Variants in VWF observed in about 807,000 individuals in gnomAD.
VWF encodes Factor VIII related antigen.
In VWF, 176 loss-of-function variants were observed where a neutral mutation model predicts 308.6. The ratio of observed to expected loss-of-function variants is 0.57; its 90% CI spans 0.50 to 0.65. The LOEUF is 0.65. VWF is among the 30% of genes least tolerant of loss of function. VWF has a pLI of 0.00. For synonymous variants in VWF, 1,385 were observed against 1,443.4 expected, an observed-to-expected ratio of 0.96 and a Z score of 0.92; for missense variants, 3,146 against 3,648.2, an observed-to-expected ratio of 0.86 and a Z score of 3.55.
In VWF at chr12:5,969,304, T is replaced by A. The variant is rs61751298; in HGVS notation, c.7636A>T (p.Asn2546Tyr). Residue 2546 changes from asparagine to tyrosine, a missense_variant, in exon 45 of 52, where the codon AAC becomes TAC. By Grantham distance (143) the Asn-to-Tyr change is moderately radical (BLOSUM62 -2). Transcript: ENST00000261405. ...VKEEVFIQQR[N>Y]VSCPQLEVPV... ...ACCTCCAGCTGGGGGCAGGAGACGT[T>A]CCTTTGTTGTATAAAGACCTCCTCC... 3.7e-6 allele frequency: 6 copies of A among 1,614,024 alleles called. No homozygotes were observed. Among genetic ancestry groups the A allele is most frequent in the Non-Finnish European group, 5.1e-6 (6 of 1,180,034 alleles).
intron 18 of VWF, 86 bp downstream of exon 18, chr12:6,044,205 C>T (rs761777470): frequency 8.4e-6 from 13 of 1,542,596 alleles, no homozygotes; most frequent in Non-Finnish European, 1.1e-5. Flanking sequence ...TTGTTTCTTC[C>T]TCTCTCTGGC....
At chr12:6,051,315 A>G (rs7305522) in intron 16 of VWF, among the ~76,000 whole-genome samples, 12,350 of 132,810 alleles carry the variant, frequency 0.093, 1,092 homozygotes, top group African/African-American at 0.24. Context: ...TTTTTGAGAT[A>G]GAGTCTCGCT....
At chr12:6,078,218 C>G (rs1944867428) in intron 6 of VWF, among the ~76,000 whole-genome samples, 1 of 152,210 alleles carries the variant, frequency 6.6e-6, no homozygotes, top group African/African-American at 2.4e-5. Context: ...CGAGCATTAT[C>G]ACTTCCTAGT....
intron 34 of VWF, among the ~76,000 whole-genome samples, chr12:6,009,569 T>C (rs1252596097): frequency 6.6e-6 from 1 of 151,932 alleles, no homozygotes; most frequent in Admixed American, 6.6e-5. Flanking sequence ...AGTAAGAAGG[T>C]TCCTCAAAAA....
At chr12:6,109,024 T>A (rs1365417451) in intron 5 of VWF, among the ~76,000 whole-genome samples, 1 of 151,420 alleles carries the variant, frequency 6.6e-6, no homozygotes, top group Non-Finnish European at 1.5e-5. Flanking sequence ...TTTGTAAATG[T>A]ATATAGGTTC....
At chr12:5,968,358 C>T (rs1218797726) in intron 45 of VWF, 191 bp from the exon 46 acceptor site, 1 of 614,184 alleles carries the variant, frequency 1.6e-6, no homozygotes, top group Non-Finnish European at 2.8e-6. Context: ...CTCCCTTCCC[C>T]ATGCAGCCCA....
intron 34 of VWF, 77 bp from the exon 35 acceptor site, chr12:5,996,299 G>A: frequency 7.3e-7 from 1 of 1,361,282 alleles, no homozygotes; most frequent in Non-Finnish European, 1.0e-6. Flanking sequence ...AGGCAGGTGT[G>A]ACCAAGTTGC....
At chr12:6,038,173 C>T (rs1944358411) in intron 18 of VWF, among the ~76,000 whole-genome samples, 1 of 152,196 alleles carries the variant, frequency 6.6e-6, no homozygotes, top group Admixed American at 6.5e-5. Flanking sequence ...TCTAGCAGAG[C>T]ATTCAAAGCC....
rs941718292 is a variant in VWF at position 6,124,532 on chromosome 12, A to G, written c.-112T>C. ...TGCTCTCAGCTGCTGCAAAGGCTCA[A>G]TCAGGTCTGCTACAGCTCCGGACTG... On this transcript the variant is annotated 5_prime_UTR_variant, in exon 1 of 52. Coordinates refer to ENST00000261405, the MANE Select transcript of VWF (RefSeq NM_000552.5). 2 of 152,506 alleles carry G rather than the reference A, an allele frequency of 1.3e-5. No individual in the cohort carries two copies. Among genetic ancestry groups the G allele is most frequent in the Non-Finnish European group, 2.9e-5 (2 of 68,276 alleles). The allele number at this position is 152,506 out of a possible 1,614,324, so 9.4% of individuals were successfully genotyped here. A position where few individuals can be genotyped will look rare whatever the true frequency, so the allele number is the denominator to read the frequency against.
At position 6,110,425 on chromosome 12, in the gene VWF, G is replaced by A. The variant is rs781055990; in HGVS notation, c.481C>T (p.Leu161=). 1 of 1,614,150 alleles carries A rather than the reference G, an allele frequency of 6.2e-7. No individual in the cohort carries two copies. The highest frequency in any genetic ancestry group is 8.5e-7 in the Non-Finnish European group (1 of 1,180,022). ...SDRYFNKTCG[L]CGNFNIFAED... ...GCAAAGATGTTAAAGTTGCCACACA[G>A]CCCGCAGGTCTTGTTGAAGTATCTG... The change falls in exon 5 of 52, where the codon CTG becomes TTG. Residue 161 remains leucine (L), a synonymous_variant. Coordinates refer to ENST00000261405, the MANE Select transcript of VWF (RefSeq NM_000552.5).
At position 6,110,918 on chromosome 12, in the gene VWF, A is replaced by T. The variant is rs760170954; in HGVS notation, c.271T>A (p.Phe91Ile). Residue 91 changes from phenylalanine to isoleucine, a missense_variant, in exon 4 of 52, where the codon TTT (phenylalanine) becomes ATT (isoleucine). By Grantham distance (21) the Phe-to-Ile change is conservative. Transcript: ENST00000261405. ...RVSLSVYLGE[F>I]FDIHLFVNGT... ...TTGACAAACAAATGGATGTCAAAAA[A>T]TTCCCCAAGATACACGGAGAGGCTC... 1.2e-6 allele frequency: 2 copies of T among 1,614,160 alleles called. No individual in the cohort carries two copies. Among genetic ancestry groups the T allele is most frequent in the East Asian group, 4.5e-5 (2 of 44,876 alleles).
At chr12:6,032,304 G>GT in intron 20 of VWF, among the ~76,000 whole-genome samples, 1 of 151,436 alleles carries the variant, frequency 6.6e-6, no homozygotes, top group South Asian at 2.1e-4. Context: ...CTCCAGCCTG[G>GT]TGACAGAGCG....
At chr12:6,081,208 C>A (rs1171978188) in intron 6 of VWF, among the ~76,000 whole-genome samples, 1 of 152,210 alleles carries the variant, frequency 6.6e-6, no homozygotes, top group African/African-American at 2.4e-5. Flanking sequence ...ACAAATGGGC[C>A]CTTCAGAGGC....
chr12:5,971,661 G>T lies in VWF; in HGVS notation c.7486C>A (p.Pro2496Thr), dbSNP rs1237966741. Residue 2496 changes from proline (P) to threonine (T), a missense_variant, in exon 44 of 52, where the codon CCA becomes ACA. By Grantham distance (38) the Pro-to-Thr change is conservative (BLOSUM62 -1). Coordinates refer to ENST00000261405, the MANE Select transcript of VWF (RefSeq NM_000552.5). Reference protein sequence around the residue: ...HEGECCGRCLPSACEVVTGSP... With the variant: ...HEGECCGRCLTSACEVVTGSP... The stretch of plus-strand genomic sequence containing the variant: ...CCAGTCACCACCTCACAGGCAGATG[G>T]CAGGCACCTTCCACAGCACTCGCCT... 1.2e-6 allele frequency: 2 copies of T among 1,614,104 alleles called. No individual in the cohort carries two copies. The highest frequency in any genetic ancestry group is 1.7e-6 in the Non-Finnish European group (2 of 1,180,056).
At chr12:5,989,022 C>T (rs893802014) in intron 38 of VWF, among the ~76,000 whole-genome samples, 3 of 152,188 alleles carry the variant, frequency 2.0e-5, no homozygotes, top group Non-Finnish European at 2.9e-5. Context: ...AAATGAAATG[C>T]AAACACTGAG....
chr12:6,062,712 C>A (rs1380700334), intron 13 of VWF, among the ~76,000 whole-genome samples: 1 of 152,158 alleles, frequency 6.6e-6, no homozygotes, highest in Non-Finnish European at 1.5e-5. Context: ...AGAGCCCACC[C>A]CAGTCTAGAG....
intron 6 of VWF, among the ~76,000 whole-genome samples, chr12:6,077,426 C>T (rs546536481): frequency 2.6e-5 from 4 of 152,328 alleles, no homozygotes; most frequent in Admixed American, 2.6e-4. Context: ...AGCTGCTCTG[C>T]GTCTCGGGGC....
At chr12:5,962,233 A>G (rs1943327152) in intron 47 of VWF, among the ~76,000 whole-genome samples, 1 of 152,236 alleles carries the variant, frequency 6.6e-6, no homozygotes, top group African/African-American at 2.4e-5. Flanking sequence ...CATAAATTGA[A>G]AAACTCAACC....
intron 2 of VWF, chr12:6,122,747 C>A (rs759649386): frequency 1.9e-6 from 1 of 534,138 alleles, no homozygotes; most frequent in African/African-American, 1.9e-5. Flanking sequence ...CTCTAGGAGA[C>A]TTTGGAGCAG....
Sources: allele counts gnomAD v4.1 joint callset (sites outside exome capture counted in the v4.1 genomes callset), GRCh38; gene constraint gnomAD v4.1.1; transcripts MANE v1.5; gene names NCBI Gene and HGNC (gene_info 2026-07-23, HGNC 2026-07-21).